The following WWOX variants were observed in gnomAD, a reference collection of about 807,000 sequenced individuals.
WWOX encodes WW domain-containing oxidoreductase.
A neutral mutation model predicts 46.2 loss-of-function variants in WWOX; 69 were observed. The observed-to-expected ratio is 1.49, with a 90% confidence interval of 1.23 to 1.82. WWOX has a LOEUF of 1.82. Ranked by LOEUF, WWOX falls within the 40% of genes most tolerant of loss-of-function variation. WWOX has a pLI of 0.00. For synonymous variants in WWOX, 359 were observed against 202.6 expected (o/e 1.77, Z -6.56); for missense variants, 919 against 542.6 (o/e 1.69, Z -6.89).
chr16:78,965,935 C>T (rs2046355944), intron 8 of WWOX, among the ~76,000 whole-genome samples: 1 of 152,116 alleles, frequency 6.6e-6, no homozygotes, highest in African/African-American at 2.4e-5. Flanking sequence ...CTAATTTGGA[C>T]TCAATTTGCT....
chr16:79,058,229 A>T (rs1303892441), intron 8 of WWOX, among the ~76,000 whole-genome samples: 1 of 151,876 alleles, frequency 6.6e-6, no homozygotes, highest in East Asian at 1.9e-4. Flanking sequence ...TCCTTCCAAG[A>T]TGTGTGATGG....
chr16:78,119,869 C>T (rs1174698049), intron 4 of WWOX, among the ~76,000 whole-genome samples: 1 of 152,072 alleles, frequency 6.6e-6, no homozygotes, highest in Non-Finnish European at 1.5e-5. Flanking sequence ...GTGGCTAAAA[C>T]TTGATTTTTA....
intron 8 of WWOX, among the ~76,000 whole-genome samples, chr16:78,488,865 C>A (rs1257680111): frequency 6.6e-6 from 1 of 152,158 alleles, no homozygotes; most frequent in Non-Finnish European, 1.5e-5. Flanking sequence ...GCCTGTTTCT[C>A]AGAGTAGGCT....
intron 8 of WWOX, among the ~76,000 whole-genome samples, chr16:78,863,823 A>G (rs1330874901): frequency 6.6e-6 from 1 of 152,224 alleles, no homozygotes; most frequent in Non-Finnish European, 1.5e-5. Context: ...TCAAAAAACT[A>G]TGTCCACATC....
At chr16:78,946,774 C>A (rs187562092) in intron 8 of WWOX, among the ~76,000 whole-genome samples, 1 of 127,180 alleles carries the variant, frequency 7.9e-6, no homozygotes, top group Non-Finnish European at 1.5e-5. Context: ...TGGCAGTGAG[C>A]CCCCGGGGGA....
chr16:78,672,279 C>A (rs1020165605), intron 8 of WWOX, among the ~76,000 whole-genome samples: 3 of 152,198 alleles, frequency 2.0e-5, no homozygotes, highest in Non-Finnish European at 4.4e-5. Flanking sequence ...GTCCCAACCA[C>A]ATGCAAATGC....
At chr16:78,774,701 G>A (rs1008851356) in intron 8 of WWOX, among the ~76,000 whole-genome samples, 2 of 151,866 alleles carry the variant, frequency 1.3e-5, no homozygotes, top group Non-Finnish European at 2.9e-5. Flanking sequence ...GGGGAGGGGA[G>A]GCTGTACATG....
intron 8 of WWOX, among the ~76,000 whole-genome samples, chr16:78,938,092 C>T (rs2045779032): frequency 1.3e-5 from 2 of 152,190 alleles, no homozygotes; most frequent in Admixed American, 6.5e-5. Flanking sequence ...AAGATCACCA[C>T]TCAGACCCTG....
chr16:79,150,695 A>T (rs182307787), intron 8 of WWOX, among the ~76,000 whole-genome samples: 5 of 152,278 alleles, frequency 3.3e-5, no homozygotes, highest in East Asian at 1.9e-4. Flanking sequence ...GTCGTTGCCC[A>T]GGCCACCGTT....
intron 8 of WWOX, among the ~76,000 whole-genome samples, chr16:78,515,031 C>T (rs1361418408): frequency 6.6e-6 from 1 of 152,034 alleles, no homozygotes; most frequent in African/African-American, 2.4e-5. Context: ...ACCAGTCTGG[C>T]CAGTGTGGCA....
At chr16:78,774,067 C>T (rs980643614) in intron 8 of WWOX, among the ~76,000 whole-genome samples, 1 of 152,132 alleles carries the variant, frequency 6.6e-6, no homozygotes, top group Non-Finnish European at 1.5e-5. Flanking sequence ...GAAGGAAGCC[C>T]GTCTAGGTCC....
At chr16:79,034,241 A>G (rs1230031322) in intron 8 of WWOX, among the ~76,000 whole-genome samples, 1 of 152,212 alleles carries the variant, frequency 6.6e-6, no homozygotes, top group African/African-American at 2.4e-5. Context: ...TGCCCAATGT[A>G]AAAATAGTTC....
chr16:78,993,717 G>C (rs866917051), intron 8 of WWOX, among the ~76,000 whole-genome samples: 1 of 152,334 alleles, frequency 6.6e-6, no homozygotes, highest in Middle Eastern at 3.4e-3. Context: ...AGGGGCTCCA[G>C]CAATCTGCCT....
At position 79,212,342 on chromosome 16, in the gene WWOX, A is replaced by T. The variant is rs553993005; in HGVS notation, c.*546A>T. 39 of 666,120 alleles carry T rather than the reference A, an allele frequency of 5.9e-5. No individual in the cohort carries two copies. Among genetic ancestry groups the T allele is most frequent in the Non-Finnish European group, 1.5e-5 (6 of 412,406 alleles). The allele number at this position is 666,120 out of a possible 1,614,324, so 41.3% of individuals were successfully genotyped here. A position where few individuals can be genotyped will look rare whatever the true frequency, so the allele number is the denominator to read the frequency against. ...CAGAACCTTGTCCCAGCCAGTGAGG[A>T]TGACAGTGACACCCAGAGGGAGTAG... On this transcript the variant is annotated 3_prime_UTR_variant, in exon 9 of 9. Coordinates refer to ENST00000566780, the MANE Select transcript of WWOX (RefSeq NM_016373.4).
At chr16:79,039,284 C>A (rs1026634172) in intron 8 of WWOX, among the ~76,000 whole-genome samples, 5 of 152,108 alleles carry the variant, frequency 3.3e-5, no homozygotes, top group Non-Finnish European at 5.9e-5. Flanking sequence ...ATTAACCTCT[C>A]TGCGCCCTTG....
At chr16:79,043,290 A>G (rs1388953573) in intron 8 of WWOX, among the ~76,000 whole-genome samples, 1 of 143,054 alleles carries the variant, frequency 7.0e-6, no homozygotes, top group Non-Finnish European at 1.5e-5. Context: ...TACCAGATGA[A>G]TAGAGGTGGT....
rs201333344 is a variant in WWOX, at chr16:79,059,656, G to A, written c.1057-151952G>A. Among the ~76,000 whole-genome samples, 98 of 152,068 alleles carry A rather than the reference G, an allele frequency of 6.4e-4. 1 individual carries two copies. The East Asian group carries it at 0.018, about 28-fold the overall frequency. On this transcript the variant is annotated intron_variant, in intron 8 of 8. Transcript: ENST00000566780. ...ATTATAGGCGCATGCCACCATGCCC[G>A]GCTAATTTTTTGTATTTTTAGTAGA...
At chr16:78,653,614 G>GT (rs1180839928) in intron 8 of WWOX, among the ~76,000 whole-genome samples, 1 of 152,234 alleles carries the variant, frequency 6.6e-6, no homozygotes, top group African/African-American at 2.4e-5. Flanking sequence ...GCCAGCTTGG[G>GT]TTTGGACAAC....
intron 3 of WWOX, among the ~76,000 whole-genome samples, 161 bp downstream of exon 3, chr16:78,109,996 A>C (rs1398542554): frequency 6.6e-6 from 1 of 151,980 alleles, no homozygotes; most frequent in East Asian, 1.9e-4. Context: ...TGGAACTTTT[A>C]ACATCGCTAG....
Sources: gnomAD v4.1 joint callset for allele counts (sites outside exome capture counted in the v4.1 genomes callset) on GRCh38, gnomAD v4.1.1 for gene constraint, MANE v1.5 for transcripts, NCBI Gene and HGNC (gene_info 2026-07-23, HGNC 2026-07-21) for gene names.